AQR: variants seen among roughly 807,000 people sequenced by gnomAD.
The protein encoded by AQR is RNA helicase aquarius.
AQR carries 61 observed loss-of-function variants against 180.5 expected under a neutral mutation model. That is an observed-to-expected ratio of 0.34 (90% CI 0.28 to 0.42). The LOEUF (loss-of-function observed/expected upper bound fraction) is 0.42. AQR is among the 10% of genes least tolerant of loss of function. The pLI is 1.00. For synonymous variants in AQR, 551 were observed against 588.8 expected, an observed-to-expected ratio of 0.94 and a Z score of 0.93; for missense variants, 1,281 against 1,798.3, an observed-to-expected ratio of 0.71 and a Z score of 5.20.
chr15:34,931,995 A>T (rs1054363277), intron 11 of AQR, among the ~76,000 whole-genome samples: 3 of 152,208 alleles, frequency 2.0e-5, no homozygotes, highest in African/African-American at 7.2e-5. Flanking sequence ...TTATAGAAAG[A>T]GTCATACTAT....
rs1261975294 is a variant in AQR at position 34,852,193 on chromosome 15, A to T, written c.*4599T>A. The T allele has an allele frequency of 2.8e-4, 41 of 148,416 alleles. No individual in the cohort carries two copies. The highest frequency in any genetic ancestry group is 8.6e-4 in the African/African-American group (34 of 39,470). The allele number at this position is 148,416 out of a possible 1,614,324, so 9.2% of individuals were successfully genotyped here. A position where few individuals can be genotyped will look rare whatever the true frequency, so the allele number is the denominator to read the frequency against. On this transcript the variant is annotated 3_prime_UTR_variant, in exon 35 of 35. Transcript: ENST00000156471. ...AGTTATGTTTTTTTTTTTTTTTTGA[A>T]GGAGTTTTTGCTCGTCGCCCAGGCT...
chr15:34,904,299 A>G (rs774258244), intron 19 of AQR, 37 bp downstream of exon 19: 1 of 1,434,606 alleles, frequency 7.0e-7, no homozygotes, highest in South Asian at 1.5e-5. Context: ...TACTTAAATT[A>G]TGACATAGTA....
intron 5 of AQR, among the ~76,000 whole-genome samples, chr15:34,946,330 G>C (rs569674361): frequency 6.6e-6 from 1 of 152,292 alleles, no homozygotes; most frequent in East Asian, 1.9e-4. Flanking sequence ...CTTGACTTTG[G>C]TAACTTTTTT....
chr15:34,894,230 G>GA (rs1325505599), intron 22 of AQR, among the ~76,000 whole-genome samples: 3 of 143,922 alleles, frequency 2.1e-5, no homozygotes, highest in Admixed American at 1.4e-4. Flanking sequence ...AAAAAGCAAA[G>GA]AAAAAAAAAA....
chr15:34,918,160 C>T (rs1195875239), intron 15 of AQR, 98 bp downstream of exon 15: 4 of 1,283,534 alleles, frequency 3.1e-6, no homozygotes, highest in South Asian at 1.5e-5. Flanking sequence ...TCCTAATGTA[C>T]AGAGTAGACT....
rs1393496661 is a variant in AQR at position 34,893,543 on chromosome 15, T to C, written c.2571+120A>G. On this transcript the variant is annotated intron_variant, in intron 23 of 34. Coordinates refer to ENST00000156471, the MANE Select transcript of AQR (RefSeq NM_014691.3). Reference sequence around the variant, plus strand: ...ACTAGATTTCTTGAAGAGGAACTTATTGTGTCCCACACTTACCTCCCCCTC... The same window carrying C: ...ACTAGATTTCTTGAAGAGGAACTTACTGTGTCCCACACTTACCTCCCCCTC... 8.0e-6 allele frequency: 6 copies of C among 746,736 alleles called. No homozygotes were observed. The East Asian group carries it at 8.1e-5, about 10-fold the overall frequency. The allele number at this position is 746,736 out of a possible 1,614,324, so 46.3% of individuals were successfully genotyped here.
At chr15:34,872,720 A>G (rs1892837598) in intron 30 of AQR, among the ~76,000 whole-genome samples, 1 of 152,154 alleles carries the variant, frequency 6.6e-6, no homozygotes, top group Non-Finnish European at 1.5e-5. Context: ...TGGAGGGACA[A>G]TAAGATCTGC....
Position 34,964,233 on chromosome 15 carries a change from C to A in AQR, c.132+1G>T. ...ATTATGTTGAAACCAAAAATACTTACCTTTATATCAAAAGGTGATTTCTTC... is the reference window on the plus strand; with the variant it reads ...ATTATGTTGAAACCAAAAATACTTAACTTTATATCAAAAGGTGATTTCTTC... On this transcript the variant is annotated splice_donor_variant, in intron 2 of 34. Transcript: ENST00000156471. LOFTEE classifies it high-confidence loss of function. The A allele has an allele frequency of 6.3e-7, 1 of 1,598,776 alleles. No homozygotes were observed. Among genetic ancestry groups the A allele is most frequent in the African/African-American group, 1.3e-5 (1 of 74,758 alleles).
In AQR at chr15:34,904,373, A is replaced by G. The variant is rs1193884998; in HGVS notation, c.1964T>C (p.Ile655Thr). The part of the protein sequence containing the change: ...GAEDVYETFN[I>T]IMRRKPKENN... ...TTCCTTTGGTTTTCTCCTCATTATTATATTAAAAGTTTCATACACATCCTC... is the reference window on the plus strand; with the variant it reads ...TTCCTTTGGTTTTCTCCTCATTATTGTATTAAAAGTTTCATACACATCCTC... The change falls in exon 19 of 35, where the codon ATA becomes ACA. Residue 655 changes from isoleucine (I) to threonine (T), a missense_variant. Transcript: ENST00000156471. 5 of 1,604,632 alleles carry G rather than the reference A, an allele frequency of 3.1e-6. No homozygotes were observed. Among genetic ancestry groups the G allele is most frequent in the African/African-American group, 2.7e-5 (2 of 74,618 alleles).
chr15:34,909,911 C>T (rs183787566), intron 17 of AQR, among the ~76,000 whole-genome samples: 175 of 152,230 alleles, frequency 1.1e-3, no homozygotes, highest in Admixed American at 1.8e-3. Context: ...CAATTTTATA[C>T]TTTTTATTAA....
chr15:34,864,909 A>G (rs900407994), intron 32 of AQR, among the ~76,000 whole-genome samples: 3 of 152,196 alleles, frequency 2.0e-5, no homozygotes, highest in Admixed American at 1.3e-4. Context: ...ACTAGACCCT[A>G]AAGTCCACAA....
At position 34,937,569 on chromosome 15, in the gene AQR, A is replaced by T. The variant is rs569268671; in HGVS notation, c.718+1168T>A. Among the ~76,000 whole-genome samples, 254 of 152,288 alleles carry T rather than the reference A, an allele frequency of 1.7e-3. 1 individual carries two copies. Among genetic ancestry groups the T allele is most frequent in the Middle Eastern group, 6.8e-3 (2 of 294 alleles). The stretch of plus-strand genomic sequence containing the variant: ...ATGGTATACCTATAGAGCTGTTCTT[A>T]GATTATATTCCACTTAAAAATATTA... On this transcript the variant is annotated intron_variant, in intron 9 of 34. Coordinates refer to ENST00000156471, the MANE Select transcript of AQR (RefSeq NM_014691.3).
chr15:34,945,898 G>C (rs1407337586), intron 5 of AQR, among the ~76,000 whole-genome samples: 1 of 152,170 alleles, frequency 6.6e-6, no homozygotes, highest in East Asian at 1.9e-4. Flanking sequence ...TACTGATCAA[G>C]CTTCTGTTGC....
intron 16 of AQR, among the ~76,000 whole-genome samples, chr15:34,914,358 T>A (rs1316534039): frequency 6.6e-6 from 1 of 152,204 alleles, no homozygotes; most frequent in Non-Finnish European, 1.5e-5. Context: ...ATTACCAGAA[T>A]GAAAGACTTT....
intron 16 of AQR, among the ~76,000 whole-genome samples, chr15:34,914,404 G>A (rs1893548359): frequency 6.6e-6 from 1 of 152,186 alleles, no homozygotes; most frequent in African/African-American, 2.4e-5. Flanking sequence ...GAGCTAGCAG[G>A]TGGGGAGTGG....
Position 34,854,169 on chromosome 15 carries a change from AAAAAG to A in AQR, c.*2618_*2622del, listed in dbSNP as rs1248934740. 5.3e-5 allele frequency: 8 copies of A among 151,932 alleles called. No homozygotes were observed. Among genetic ancestry groups the A allele is most frequent in the South Asian group, 2.1e-4 (1 of 4,830 alleles). 9.4% of individuals were successfully genotyped at this position (151,932 alleles called of 1,614,324 possible). ...CTCAGAATTTTGAAAAAAAAAAAAAAAAAAGAAGAAGAAATTCTAAATACTTGAAT... is the reference window on the plus strand; with the variant it reads ...CTCAGAATTTTGAAAAAAAAAAAAAAAAGAAGAAATTCTAAATACTTGAAT... On this transcript the variant is annotated 3_prime_UTR_variant, in exon 35 of 35. Transcript: ENST00000156471.
intron 20 of AQR, among the ~76,000 whole-genome samples, chr15:34,899,238 A>G (rs1400758677): frequency 6.6e-6 from 1 of 152,158 alleles, no homozygotes; most frequent in Admixed American, 6.5e-5. Flanking sequence ...CAGGAGTTTT[A>G]TGGGAGTAAA....
intron 3 of AQR, among the ~76,000 whole-genome samples, chr15:34,955,760 T>C (rs915738758): frequency 6.6e-6 from 1 of 151,858 alleles, no homozygotes; most frequent in Non-Finnish European, 1.5e-5. Context: ...ATACAAAAAA[T>C]TAGCTAGGCG....
At chr15:34,941,125 A>T in intron 7 of AQR, 126 bp from the exon 8 acceptor site, 1 of 549,456 alleles carries the variant, frequency 1.8e-6, no homozygotes, top group Non-Finnish European at 3.1e-6. Context: ...AAAACCTGAA[A>T]ATAACATGAC....
Sources: allele counts gnomAD v4.1 joint callset (sites outside exome capture counted in the v4.1 genomes callset), GRCh38; gene constraint gnomAD v4.1.1; transcripts MANE v1.5; gene names NCBI Gene and HGNC (gene_info 2026-07-23, HGNC 2026-07-21).